CHD1L: variants seen among roughly 807,000 people sequenced by gnomAD.
CHD1L encodes the protein ATP-dependent chromatin remodeler CHD1L.
In CHD1L, 118 loss-of-function variants were observed where a neutral mutation model predicts 115.9. That is an observed-to-expected ratio of 1.02 (90% CI 0.88 to 1.19). The LOEUF (loss-of-function observed/expected upper bound fraction) is 1.19, where lower values mean the gene tolerates loss of function less well. CHD1L is among the 50% of genes most tolerant of loss of function. The pLI is 0.00. For synonymous variants in CHD1L, 411 were observed against 387.1 expected (o/e 1.06, Z -0.72); for missense variants, 1,179 against 1,065.3 (o/e 1.11, Z -1.49).
At chr1:147,198,850 CAAAAAAAA>C in the CHD1L span, among the ~76,000 whole-genome samples, 203 of 51,782 alleles carry the variant, frequency 3.9e-3, 2 homozygotes, top group Middle Eastern at 0.11. Context: ...GACTGCATCT[CAAAAAAAA>C]AAAAAAAAAA....
At chr1:147,257,002 C>T (rs587724094) in intron 5 of CHD1L, among the ~76,000 whole-genome samples, 6 of 152,248 alleles carry the variant, frequency 3.9e-5, no homozygotes, top group African/African-American at 9.6e-5. Context: ...CAATCAGTGC[C>T]GTGGAATTAA....
chr1:147,180,413 T>C, the CHD1L span, among the ~76,000 whole-genome samples: 5,594 of 152,212 alleles, frequency 0.037, 147 homozygotes, highest in South Asian at 0.095. Context: ...TGCCTCAGCC[T>C]CCTGAGTAGC....
rs1315558951 is a variant in CHD1L, at chr1:147,286,510, G to T, written c.2221+10G>T. ...ATTGTGCACTGCGTAGGTACGAGAAGTGGTATGGGCTGGGGATGGGGGCCT... is the reference window on the plus strand; with the variant it reads ...ATTGTGCACTGCGTAGGTACGAGAATTGGTATGGGCTGGGGATGGGGGCCT... On this transcript the variant is annotated intron_variant, in intron 18 of 22. Coordinates refer to ENST00000369258, the MANE Select transcript of CHD1L (RefSeq NM_004284.6). The T allele has an allele frequency of 1.2e-6, 2 of 1,612,726 alleles. No homozygotes were observed. Among genetic ancestry groups the T allele is most frequent in the Non-Finnish European group, 1.7e-6 (2 of 1,179,792 alleles).
chr1:147,270,797 A>G (rs935645735), intron 10 of CHD1L, 135 bp from the exon 11 acceptor site: 20 of 698,872 alleles, frequency 2.9e-5, no homozygotes, highest in African/African-American at 3.6e-5. Context: ...GAGGCAGTCT[A>G]TAAATCATAC....
intron 8 of CHD1L, among the ~76,000 whole-genome samples, chr1:147,266,568 T>A (rs1373610108): frequency 2.0e-5 from 3 of 152,242 alleles, no homozygotes; most frequent in African/African-American, 7.2e-5. Flanking sequence ...CTCCTTTTGT[T>A]CTGCGTATCC....
chr1:147,234,223 A>C, the CHD1L span, among the ~76,000 whole-genome samples: 1 of 152,194 alleles, frequency 6.6e-6, no homozygotes, highest in Non-Finnish European at 1.5e-5. Flanking sequence ...CAGAGCTCGG[A>C]GCCTTCGCAG....
chr1:147,244,618 A>G (rs1665999209), intron 1 of CHD1L, among the ~76,000 whole-genome samples: 2 of 152,098 alleles, frequency 1.3e-5, no homozygotes, highest in Admixed American at 1.3e-4. Context: ...ATCCTGTATA[A>G]TTTCTTTTAC....
the CHD1L span, chr1:147,204,936 C>T: frequency 6.5e-7 from 1 of 1,548,584 alleles, no homozygotes; most frequent in Non-Finnish European, 8.9e-7. Context: ...GCGCCATGGC[C>T]AGCCTGCAGG....
Position 147,276,229 on chromosome 1 carries a change from A to T in CHD1L, c.1511A>T (p.Gln504Leu), listed in dbSNP as rs782743019. ...GGAGGCCATTTTACTCTGGGAGCCC[A>T]GAAACCCGCTGCCGATGCTGACCTC... ...IEGGHFTLGAQKPAADADLQL... is the reference protein window; with the variant it reads ...IEGGHFTLGALKPAADADLQL... The change falls in exon 14 of 23, where the codon CAG becomes CTG. Residue 504 changes from glutamine (Q) to leucine (L), a missense_variant. Gln to Leu is a moderately radical substitution (Grantham distance 113). Transcript: ENST00000369258. The T allele has an allele frequency of 1.2e-6, 2 of 1,614,094 alleles. No homozygotes were observed. Among genetic ancestry groups the T allele is most frequent in the Non-Finnish European group, 1.7e-6 (2 of 1,180,024 alleles).
chr1:147,183,395 T>C, the CHD1L span, among the ~76,000 whole-genome samples: 1 of 152,250 alleles, frequency 6.6e-6, no homozygotes, highest in Non-Finnish European at 1.5e-5. Context: ...ATTCATTTAA[T>C]TAATTAATTC....
chr1:147,291,828 C>T lies in CHD1L; in HGVS notation c.2391+276C>T, dbSNP rs78277040. 7.7e-3 allele frequency among the ~76,000 whole-genome samples: 1,179 copies of T among 152,226 alleles called. 18 individuals carry two copies. The highest frequency in any genetic ancestry group is 0.027 in the African/African-American group (1,108 of 41,530). The stretch of plus-strand genomic sequence containing the variant: ...CGGTCATCTTGCTGTGCATGCACAA[C>T]CCTGGTGTCTGTGTGTCCAGATTTC... On this transcript the variant is annotated intron_variant, in intron 20 of 22. Coordinates refer to ENST00000369258, the MANE Select transcript of CHD1L (RefSeq NM_004284.6).
intron 13 of CHD1L, among the ~76,000 whole-genome samples, chr1:147,275,803 T>C (rs955030923): frequency 5.4e-5 from 7 of 129,746 alleles, no homozygotes; most frequent in Non-Finnish European, 1.2e-4. Context: ...AAAAGAAAGA[T>C]AGATGTTGCC....
At chr1:147,266,415 G>A (rs1553948357) in intron 8 of CHD1L, among the ~76,000 whole-genome samples, 2 of 152,054 alleles carry the variant, frequency 1.3e-5, no homozygotes, top group Admixed American at 1.3e-4. Flanking sequence ...TCACAGTTTT[G>A]CTTTCCAGGG....
chr1:147,225,242 C>A, the CHD1L span: 1 of 1,336,856 alleles, frequency 7.5e-7, no homozygotes, highest in Non-Finnish European at 9.8e-7. Flanking sequence ...CCTGCGCCTG[C>A]AAGACCCAGA....
At chr1:147,242,566 A>G, upstream of CHD1L, 1 of 905,084 alleles carries the variant, frequency 1.1e-6, no homozygotes, top group East Asian at 3.4e-5. Flanking sequence ...TCCGCTCCGG[A>G]TATCTTGGCA....
intron 11 of CHD1L, among the ~76,000 whole-genome samples, chr1:147,271,957 A>C (rs1676415072): frequency 6.6e-6 from 1 of 152,250 alleles, no homozygotes; most frequent in Non-Finnish European, 1.5e-5. Flanking sequence ...CATGTATTTA[A>C]AAAATCCAGA....
At chr1:147,201,087 A>C in the CHD1L span, 2 of 1,151,130 alleles carry the variant, frequency 1.7e-6, no homozygotes, top group Non-Finnish European at 2.5e-6. Flanking sequence ...ATTTAAAAAC[A>C]AGTACCTAAA....
At chr1:147,295,388 G>A (rs782154626) in intron 22 of CHD1L, 43 bp from the exon 23 acceptor site, 4 of 1,400,352 alleles carry the variant, frequency 2.9e-6, no homozygotes, top group Admixed American at 1.7e-5. Flanking sequence ...GGTAAAGTTG[G>A]TTTAAAGTGA....
chr1:147,288,756 A>C (rs1684374234), intron 19 of CHD1L, among the ~76,000 whole-genome samples: 1 of 152,190 alleles, frequency 6.6e-6, no homozygotes, highest in African/African-American at 2.4e-5. Flanking sequence ...GCTGAGTGGA[A>C]TGAAGATGTG....
Sources: allele counts gnomAD v4.1 joint callset (sites outside exome capture counted in the v4.1 genomes callset), GRCh38; gene constraint gnomAD v4.1.1; transcripts MANE v1.5; gene names NCBI Gene and HGNC (gene_info 2026-07-23, HGNC 2026-07-21).